ENTPD5: variants seen among roughly 807,000 people sequenced by gnomAD.
ENTPD5 encodes the protein ectonucleoside triphosphate diphosphohydrolase 5 (inactive).
A neutral mutation model predicts 60.2 loss-of-function variants in ENTPD5; 49 were observed. The observed-to-expected ratio is 0.81, with a 90% confidence interval of 0.65 to 1.03. The LOEUF is 1.03. ENTPD5 is among the 50% of genes least tolerant of loss of function. ENTPD5 has a pLI of 0.00. For missense variants in ENTPD5, 480 were observed against 507.6 expected (o/e 0.95, Z 0.52); for synonymous variants, 187 against 185.4 (o/e 1.01, Z -0.07).
At chr14:73,959,105 A>C, downstream of ENTPD5, 2 of 1,613,962 alleles carry the variant, frequency 1.2e-6, no homozygotes, top group Non-Finnish European at 8.5e-7. Flanking sequence ...CCATCTGGGG[A>C]CTTTATTCAT....
At chr14:73,955,863 T>C (rs1351351869), downstream of ENTPD5, 19 of 1,614,160 alleles carry the variant, frequency 1.2e-5, no homozygotes, top group Non-Finnish European at 1.6e-5. Context: ...TTAGATGACA[T>C]GGGCTATATC....
chr14:73,995,110 G>A (rs574860508), intron 3 of ENTPD5, among the ~76,000 whole-genome samples: 96 of 148,312 alleles, frequency 6.5e-4, no homozygotes, highest in Non-Finnish European at 1.2e-3. Flanking sequence ...GTGCAGTTGT[G>A]CAATCTCACC....
At chr14:73,998,672 G>A (rs1275801287) in intron 3 of ENTPD5, among the ~76,000 whole-genome samples, 1 of 152,094 alleles carries the variant, frequency 6.6e-6, no homozygotes, top group Non-Finnish European at 1.5e-5. Context: ...TCAAAGCTGG[G>A]ATGATGGAGA....
chr14:73,980,836 G>C lies in ENTPD5; in HGVS notation c.441+2182C>G, dbSNP rs150397807. ...AGTTTGGCTGGGCACAATGGCTCAT[G>C]CCTGTAATCCCAGTACTTTGGGAGG... On this transcript the variant is annotated intron_variant, in intron 6 of 15. Coordinates refer to ENST00000334696, the MANE Select transcript of ENTPD5 (RefSeq NM_001249.5). Among the ~76,000 whole-genome samples the C allele has an allele frequency of 1.1e-4, 17 of 152,286 alleles. No homozygotes were observed. The East Asian group carries it at 2.7e-3, about 24-fold the overall frequency.
At chr14:73,961,637 G>C (rs1358142854), downstream of ENTPD5, 1 of 1,600,684 alleles carries the variant, frequency 6.2e-7, no homozygotes, top group Non-Finnish European at 8.6e-7. Flanking sequence ...AGGGCCCACA[G>C]TAGCAAGAGG....
At chr14:74,004,437 AC>A (rs2058609039) in intron 3 of ENTPD5, among the ~76,000 whole-genome samples, 1 of 152,182 alleles carries the variant, frequency 6.6e-6, no homozygotes, top group African/African-American at 2.4e-5. Context: ...TGCTGAGATT[AC>A]AGGTGTGAGC....
chr14:73,976,136 C>A, intron 9 of ENTPD5, 121 bp from the exon 10 acceptor site: 1 of 912,158 alleles, frequency 1.1e-6, no homozygotes. Flanking sequence ...GGGCTAATCT[C>A]ACTAGGCTTG....
At chr14:73,986,554 G>T (rs1301828829) in intron 5 of ENTPD5, 2 of 393,430 alleles carry the variant, frequency 5.1e-6, no homozygotes, top group East Asian at 4.3e-5. Context: ...ATTTTAAACA[G>T]TAAGTACATA....
chr14:73,965,352 G>C lies in ENTPD5; in HGVS notation c.*1576C>G, dbSNP rs1432203504. 1 of 152,212 alleles carries C rather than the reference G, an allele frequency of 6.6e-6. No homozygotes were observed. Among genetic ancestry groups the C allele is most frequent in the Non-Finnish European group, 1.5e-5 (1 of 68,062 alleles). The allele number at this position is 152,212 out of a possible 1,614,324, so 9.4% of individuals were successfully genotyped here. A position where few individuals can be genotyped will look rare whatever the true frequency, so the allele number is the denominator to read the frequency against. On this transcript the variant is annotated 3_prime_UTR_variant, in exon 16 of 16. Coordinates refer to ENST00000334696, the MANE Select transcript of ENTPD5 (RefSeq NM_001249.5). ...AAAGAAGCTGGAGGTTAACAACCAA[G>C]GCAAAGGGGCCAGACCACAGGGAGA...
At chr14:74,005,256 A>G (rs2058635637) in intron 3 of ENTPD5, among the ~76,000 whole-genome samples, 1 of 131,532 alleles carries the variant, frequency 7.6e-6, no homozygotes, top group Non-Finnish European at 1.6e-5. Flanking sequence ...ATAGGGTGAG[A>G]CTCAGTCTCA....
intron 7 of ENTPD5, 48 bp downstream of exon 7, chr14:73,977,251 C>T (rs764422223): frequency 2.1e-5 from 31 of 1,475,264 alleles, no homozygotes; most frequent in Non-Finnish European, 2.5e-5. Flanking sequence ...AGATCTTTCA[C>T]TGATCCTGCC....
chr14:73,962,226 G>A (rs953413437), downstream of ENTPD5, among the ~76,000 whole-genome samples: 4 of 152,056 alleles, frequency 2.6e-5, no homozygotes, highest in Non-Finnish European at 5.9e-5. Context: ...GATTACAGGC[G>A]TGAGCCACTG....
chr14:73,986,895 T>C lies in ENTPD5; in HGVS notation c.218-2A>G. On this transcript the variant is annotated splice_acceptor_variant, in intron 4 of 15. Coordinates refer to ENST00000334696, the MANE Select transcript of ENTPD5 (RefSeq NM_001249.5). LOFTEE classifies it high-confidence loss of function. ...CCCCTTCTAGAATTGGAAGCTGTCC[T>C]ATTTTGTCCATGGAACAAAACAGAA... 6.2e-7 allele frequency: 1 copy of C among 1,613,262 alleles called. No homozygotes were observed. The highest frequency in any genetic ancestry group is 1.1e-5 in the South Asian group (1 of 91,074).
In ENTPD5 at chr14:73,966,522, G is replaced by A. The variant is rs2056978072; in HGVS notation, c.*406C>T. On this transcript the variant is annotated 3_prime_UTR_variant, in exon 16 of 16. Coordinates refer to ENST00000334696, the MANE Select transcript of ENTPD5 (RefSeq NM_001249.5). ...GGTGGGTGCAGATAAGGGTGGGCAG[G>A]GCACTGTATAGGGAGGAAAAAAATA... 1 of 154,896 alleles carries A rather than the reference G, an allele frequency of 6.5e-6. No individual in the cohort carries two copies. The allele number at this position is 154,896 out of a possible 1,614,324, so 9.6% of individuals were successfully genotyped here.
chr14:73,976,387 C>T lies in ENTPD5; in HGVS notation c.579G>A (p.Glu193=), dbSNP rs761512568. The T allele has an allele frequency of 4.3e-6, 7 of 1,614,196 alleles. No individual in the cohort carries two copies. In the South Asian group the frequency reaches 6.6e-5, roughly 15 times the overall value. ...CCCCTAGGTCCAAGGTCCCCACAGT[C>T]TCCTGTCTGTGGCCATGCAGCTGAC... ...LTGQLHGHRQ[E]TVGTLDLGGA... The change falls in exon 9 of 16, where the codon GAG becomes GAA. Residue 193 remains glutamate (E), a synonymous_variant. Coordinates refer to ENST00000334696, the MANE Select transcript of ENTPD5 (RefSeq NM_001249.5).
downstream of ENTPD5, chr14:73,962,948 T>A: frequency 6.3e-7 from 1 of 1,583,836 alleles, no homozygotes; most frequent in Non-Finnish European, 8.7e-7. Flanking sequence ...AAGAGTTTCA[T>A]TCACTTTTAT....
chr14:73,979,706 C>T (rs1316763123), intron 6 of ENTPD5, among the ~76,000 whole-genome samples: 3 of 152,116 alleles, frequency 2.0e-5, no homozygotes, highest in Non-Finnish European at 4.4e-5. Flanking sequence ...CTCCTAACCT[C>T]GTGATCCACC....
chr14:73,987,304 G>A (rs958377458), intron 4 of ENTPD5, among the ~76,000 whole-genome samples: 52 of 152,138 alleles, frequency 3.4e-4, no homozygotes, highest in African/African-American at 1.2e-3. Context: ...TGTTTAAAGA[G>A]GAAGAACAAA....
At chr14:74,003,583 G>C (rs528998621) in intron 3 of ENTPD5, 3 of 596,214 alleles carry the variant, frequency 5.0e-6, no homozygotes, top group South Asian at 3.1e-5. Flanking sequence ...TGTAGAGCTT[G>C]TCTCAATGGA....
Sources: gnomAD v4.1 joint callset for allele counts (sites outside exome capture counted in the v4.1 genomes callset) on GRCh38, gnomAD v4.1.1 for gene constraint, MANE v1.5 for transcripts, NCBI Gene and HGNC (gene_info 2026-07-23, HGNC 2026-07-21) for gene names.